The following MYO15B variants were observed in gnomAD, a reference collection of about 807,000 sequenced individuals.
The protein encoded by MYO15B is myosin XVB.
A neutral mutation model predicts 119.3 loss-of-function variants in MYO15B; 207 were observed. That is an observed-to-expected ratio of 1.73 (90% CI 1.55 to 1.95). The LOEUF (loss-of-function observed/expected upper bound fraction) is 1.95. Ranked by LOEUF, MYO15B falls within the 30% of genes most tolerant of loss-of-function variation. MYO15B has a pLI of 0.00. For synonymous variants in MYO15B, 966 were observed against 498.9 expected, an observed-to-expected ratio of 1.94 and a Z score of -12.48; for missense variants, 2,264 against 1,203.1, an observed-to-expected ratio of 1.88 and a Z score of -13.04.
At chr17:75,588,470 G>C (rs1043842293) in exon 1 of MYO15B, 20 of 398,356 alleles carry the variant, frequency 5.0e-5, no homozygotes, top group East Asian at 3.6e-5. Flanking sequence ...TCGGCTCGGC[G>C]GGGCCGCCGG....
At chr17:75,592,381 T>C (rs953453899) in intron 7 of MYO15B, 47 bp from the exon 8 acceptor site, 2 of 690,106 alleles carry the variant, frequency 2.9e-6, no homozygotes, top group African/African-American at 3.5e-5. Context: ...GGGTGTGGCC[T>C]CTAAGCCCCT....
At chr17:75,616,100 A>G (rs2058355650) in exon 37 of MYO15B, 1 of 574,492 alleles carries the variant, frequency 1.7e-6, no homozygotes, top group East Asian at 2.9e-5. Flanking sequence ...GACAGGCCCT[A>G]TCAGCCCAAG....
At chr17:75,624,435 C>T (rs1459647239) in exon 57 of MYO15B, 2 of 702,654 alleles carry the variant, frequency 2.8e-6, no homozygotes, top group Non-Finnish European at 5.2e-6. Context: ...GGACGAATAT[C>T]CAGACTTTCA....
chr17:75,626,317 C>T lies in MYO15B; in HGVS notation c.9213+89C>T, dbSNP rs867790451. Reference sequence around the variant, plus strand: ...GTGCAGTGGGAGCCCAGGCCCAGGCCGATGCCCACTGCTCCGGAGTGCTGT... The same window carrying T: ...GTGCAGTGGGAGCCCAGGCCCAGGCTGATGCCCACTGCTCCGGAGTGCTGT... On this transcript the variant is annotated intron_variant, in intron 63 of 63. Transcript: ENST00000645453. 32 of 698,366 alleles carry T rather than the reference C, an allele frequency of 4.6e-5. No individual in the cohort carries two copies. The Middle Eastern group carries it at 2.1e-3, about 46-fold the overall frequency. 43.3% of individuals were successfully genotyped at this position (698,366 alleles called of 1,614,324 possible). A position where few individuals can be genotyped will look rare whatever the true frequency, so the allele number is the denominator to read the frequency against.
chr17:75,613,032 C>T (rs184391046), exon 27 of MYO15B: 9,928 of 700,118 alleles, frequency 0.014, 109 homozygotes, highest in Non-Finnish European at 0.018. Context: ...ATCATGGGCG[C>T]ATACCTGGTG....
At position 75,589,084 on chromosome 17, in the gene MYO15B, C is replaced by A; in HGVS notation, c.1027C>A (p.Leu343Ile). ...GGCGGCCCTCCTGGTGGTCCGCAGG[C>A]TCCTCGCGAGGCCCCCGCCAGGCGC... Residue 343 changes from leucine to isoleucine, a missense_variant, in exon 1 of 64, where the codon CTC becomes ATC. Transcript: ENST00000645453. This position sits in a 1 kb window ranked among gnomAD's most constrained non-coding sequence, Gnocchi z 4.2. 2.5e-6 allele frequency: 1 copy of A among 394,620 alleles called. No homozygotes were observed. Among genetic ancestry groups the A allele is most frequent in the East Asian group, 3.6e-5 (1 of 27,772 alleles). The allele number at this position is 394,620 out of a possible 1,614,324, so 24.4% of individuals were successfully genotyped here. A position where few individuals can be genotyped will look rare whatever the true frequency, so the allele number is the denominator to read the frequency against.
chr17:75,609,479 G>A (rs1011355852), intron 21 of MYO15B, among the ~76,000 whole-genome samples: 2 of 143,984 alleles, frequency 1.4e-5, no homozygotes, highest in African/African-American at 5.3e-5. Context: ...CAAGCTAAGG[G>A]AAATGATTTT....
At chr17:75,619,557 G>A in intron 45 of MYO15B, 81 bp downstream of exon 45, 1 of 683,740 alleles carries the variant, frequency 1.5e-6, no homozygotes, top group South Asian at 1.5e-5. Context: ...ACCACAAGCA[G>A]GAGAGCCGGG....
At chr17:75,605,254 G>A (rs537785291) in intron 19 of MYO15B, among the ~76,000 whole-genome samples, 33 of 151,892 alleles carry the variant, frequency 2.2e-4, no homozygotes, top group African/African-American at 7.2e-4. Context: ...TGGCTAACAC[G>A]GTGAAACCCT....
rs2056333059 is a variant in MYO15B at position 75,589,963 on chromosome 17, C to T, written c.1906C>T (p.Arg636Cys). The stretch of plus-strand genomic sequence containing the variant: ...GACCCTCAATGACGAGCCCCCGGTG[C>T]GCTGGGCGCAGGGCTCAGGCCCCCA... The change falls in exon 1 of 64, where the codon CGC becomes TGC. Residue 636 changes from arginine to cysteine, a missense_variant. Physicochemically the swap from Arg to Cys is radical, Grantham distance 180. Coordinates refer to ENST00000645453, the Ensembl canonical transcript of MYO15B. This position sits in a 1 kb window ranked among gnomAD's most constrained non-coding sequence, Gnocchi z 4.2. 1 of 398,666 alleles carries T rather than the reference C, an allele frequency of 2.5e-6. No individual in the cohort carries two copies. The highest frequency in any genetic ancestry group is 2.1e-5 in the African/African-American group (1 of 48,722). 24.7% of individuals were successfully genotyped at this position (398,666 alleles called of 1,614,324 possible).
Position 75,615,678 on chromosome 17 carries a change from C to T in MYO15B, c.5839-15C>T, listed in dbSNP as rs1430598465. 1.0e-5 allele frequency: 7 copies of T among 671,080 alleles called. No individual in the cohort carries two copies. Among genetic ancestry groups the T allele is most frequent in the Non-Finnish European group, 1.6e-5 (6 of 366,462 alleles). 41.6% of individuals were successfully genotyped at this position (671,080 alleles called of 1,614,324 possible). ...CGGGGATGAGGGTCTGAACTGGCTG[C>T]TCCTCCTGCTTCAGGCCCAGCAGAT... On this transcript the variant is annotated splice_polypyrimidine_tract_variant and intron_variant, in intron 35 of 63. Coordinates refer to ENST00000645453, the Ensembl canonical transcript of MYO15B.
At chr17:75,588,594 G>C in exon 1 of MYO15B, 1 of 399,504 alleles carries the variant, frequency 2.5e-6, no homozygotes, top group Non-Finnish European at 4.4e-6. Context: ...CAGCCCGGGA[G>C]CTGCGGCCCA....
At chr17:75,620,084 T>TC (rs2058615831) in intron 47 of MYO15B, 64 bp downstream of exon 47, 1 of 675,436 alleles carries the variant, frequency 1.5e-6, no homozygotes, top group African/African-American at 1.8e-5. Context: ...CATCTCCCTG[T>TC]CCGTCTTCCC....
chr17:75,607,217 G>A lies in MYO15B; in HGVS notation c.4292+1196G>A, dbSNP rs974083712. On this transcript the variant is annotated intron_variant, in intron 21 of 63. Coordinates refer to ENST00000645453, the Ensembl canonical transcript of MYO15B. ...ACAGAAACTCTGGACCCATTAAGCA[G>A]TAACTATTGCCCCCAAGACCCCCAG... 5 of 364,364 alleles carry A rather than the reference G, an allele frequency of 1.4e-5. No homozygotes were observed. In the East Asian group the frequency reaches 2.0e-4, roughly 14 times the overall value. 22.6% of individuals were successfully genotyped at this position (364,364 alleles called of 1,614,324 possible). A position where few individuals can be genotyped will look rare whatever the true frequency, so the allele number is the denominator to read the frequency against.
chr17:75,610,423 T>G (rs1389182851), intron 22 of MYO15B, among the ~76,000 whole-genome samples, 164 bp downstream of exon 22: 1 of 152,108 alleles, frequency 6.6e-6, no homozygotes, highest in Non-Finnish European at 1.5e-5. Context: ...CCGGCCGGGG[T>G]AGGCCGGGGC....
chr17:75,615,704 G>A (rs1292741488), exon 36 of MYO15B: 1 of 685,550 alleles, frequency 1.5e-6, no homozygotes, highest in Non-Finnish European at 2.7e-6. Flanking sequence ...CCCAGCAGAT[G>A]ACAGCCCAGG....
At chr17:75,613,025 A>G (rs1188457385) in exon 27 of MYO15B, 10 of 698,360 alleles carry the variant, frequency 1.4e-5, no homozygotes, top group Admixed American at 1.2e-4. Context: ...GAGGCAGATC[A>G]TGGGCGCATA....
chr17:75,614,615 A>T, exon 31 of MYO15B: 1 of 700,896 alleles, frequency 1.4e-6, no homozygotes, highest in Non-Finnish European at 2.6e-6. Flanking sequence ...CCTGGCATTC[A>T]GGCCCCCTCA....
rs2056862977 is a variant in MYO15B at position 75,596,447 on chromosome 17, C to T, written c.3298-13C>T. The T allele has an allele frequency of 4.3e-6, 3 of 702,836 alleles. No homozygotes were observed. In the African/African-American group the frequency reaches 5.2e-5, roughly 12 times the overall value. The allele number at this position is 702,836 out of a possible 1,614,324, so 43.5% of individuals were successfully genotyped here. ...CAGCCCCATGTGCCCACCTCACTGCCACATGCCCCCAGGCCCTGCGGGTGA... is the reference window on the plus strand; with the variant it reads ...CAGCCCCATGTGCCCACCTCACTGCTACATGCCCCCAGGCCCTGCGGGTGA... On this transcript the variant is annotated splice_polypyrimidine_tract_variant and intron_variant, in intron 12 of 63. Coordinates refer to ENST00000645453, the Ensembl canonical transcript of MYO15B.
Sources: allele counts gnomAD v4.1 joint callset (sites outside exome capture counted in the v4.1 genomes callset), GRCh38; gene constraint gnomAD v4.1.1; non-coding constraint Gnocchi (gnomAD v3.1); transcripts MANE v1.5; gene names NCBI Gene and HGNC (gene_info 2026-07-23, HGNC 2026-07-21).